The following CCDC181 variants were observed in gnomAD, a reference collection of about 807,000 sequenced individuals.
CCDC181 encodes the protein coiled-coil domain-containing protein 181.
CCDC181 carries 35 observed loss-of-function variants against 58.7 expected under a neutral mutation model. The observed-to-expected ratio is 0.60, with a 90% CI of 0.46 to 0.79. The LOEUF is 0.79. Ranked by LOEUF, CCDC181 falls within the 30% of genes least tolerant of loss-of-function variation. The probability of loss-of-function intolerance (pLI) is 0.00; values close to 1 mark genes in which losing one functional copy is unlikely to be tolerated. For synonymous variants in CCDC181, 183 were observed against 197.5 expected, an observed-to-expected ratio of 0.93 and a Z score of 0.62; for missense variants, 517 against 583.9, an observed-to-expected ratio of 0.89 and a Z score of 1.18.
upstream of CCDC181, among the ~76,000 whole-genome samples, chr1:169,430,829 G>T (rs915817037): frequency 6.6e-6 from 1 of 152,160 alleles, no homozygotes; most frequent in Admixed American, 6.5e-5. Context: ...CCCACTAGAG[G>T]TTTCCCATTG....
At chr1:169,399,529 C>G (rs957639692) in intron 4 of CCDC181, among the ~76,000 whole-genome samples, 1 of 151,872 alleles carries the variant, frequency 6.6e-6, no homozygotes, top group Non-Finnish European at 1.5e-5. Context: ...TGCATAAGAT[C>G]ATAGCAAATA....
chr1:169,427,858 G>A (rs2102108272), upstream of CCDC181, among the ~76,000 whole-genome samples: 1 of 152,264 alleles, frequency 6.6e-6, no homozygotes, highest in East Asian at 1.9e-4. Context: ...ACCCAAGAGA[G>A]TTGCCAAAGA....
intron 2 of CCDC181, among the ~76,000 whole-genome samples, chr1:169,456,454 G>A (rs923125029): frequency 2.6e-5 from 4 of 152,080 alleles, no homozygotes; most frequent in African/African-American, 9.7e-5. Flanking sequence ...ATGACTGTTT[G>A]GTGCTGTGGT....
upstream of CCDC181, among the ~76,000 whole-genome samples, chr1:169,429,542 C>G (rs953941908): frequency 6.6e-6 from 1 of 152,090 alleles, no homozygotes; most frequent in Non-Finnish European, 1.5e-5. Flanking sequence ...ATTTGCATTT[C>G]CCTGATCATT....
chr1:169,419,860 G>GA (rs1415392265), intron 3 of CCDC181, among the ~76,000 whole-genome samples: 1 of 152,134 alleles, frequency 6.6e-6, no homozygotes, highest in African/African-American at 2.4e-5. Context: ...ACTTAGGTTA[G>GA]AAAGACAGAG....
Position 169,403,254 on chromosome 1 carries a change from G to A in CCDC181, c.1216-5863C>T, listed in dbSNP as rs112032916. On this transcript the variant is annotated intron_variant, in intron 4 of 5. Transcript: ENST00000367806. ...CACTGTTAACATTAGACAGATCAAC[G>A]AGACAGAAAATTAACAAGGATATCA... 2.0e-3 allele frequency among the ~76,000 whole-genome samples: 307 copies of A among 152,176 alleles called. 2 individuals carry two copies. Among genetic ancestry groups the A allele is most frequent in the African/African-American group, 7.0e-3 (292 of 41,526 alleles).
At chr1:169,409,275 G>A (rs1015330733) in intron 4 of CCDC181, among the ~76,000 whole-genome samples, 4 of 152,176 alleles carry the variant, frequency 2.6e-5, no homozygotes, top group African/African-American at 9.7e-5. Flanking sequence ...CAATGAAGTG[G>A]AAGAAAGGAT....
At chr1:169,424,453 ATT>A (rs1318519702) in intron 2 of CCDC181, among the ~76,000 whole-genome samples, 2 of 151,818 alleles carry the variant, frequency 1.3e-5, no homozygotes, top group African/African-American at 4.8e-5. Flanking sequence ...TAACCCCATG[ATT>A]TTACCCAAGT....
At chr1:169,439,367 G>A (rs975637969) in intron 2 of CCDC181, among the ~76,000 whole-genome samples, 2 of 152,212 alleles carry the variant, frequency 1.3e-5, no homozygotes, top group Non-Finnish European at 2.9e-5. Flanking sequence ...CTACTGTTAT[G>A]AGATGTCTCC....
intron 4 of CCDC181, among the ~76,000 whole-genome samples, chr1:169,399,214 A>G (rs1229558343): frequency 6.6e-6 from 1 of 152,182 alleles, no homozygotes; most frequent in Non-Finnish European, 1.5e-5. Context: ...GGAAAACTGA[A>G]TGAGGGAGAG....
In CCDC181 at chr1:169,424,766, G is replaced by A. The variant is rs776634014; in HGVS notation, c.117+45C>T. On this transcript the variant is annotated intron_variant, in intron 2 of 5. Transcript: ENST00000367806. ...TGTGAAAACCTTAAAGAATTGCAAAGCACTTTGTAATATAATTATTATGAA... is the reference window on the plus strand; with the variant it reads ...TGTGAAAACCTTAAAGAATTGCAAAACACTTTGTAATATAATTATTATGAA... 3 of 1,086,928 alleles carry A rather than the reference G, an allele frequency of 2.8e-6. No homozygotes were observed. In the South Asian group the frequency reaches 4.4e-5, roughly 16 times the overall value. The allele number at this position is 1,086,928 out of a possible 1,614,324, so 67.3% of individuals were successfully genotyped here.
intron 2 of CCDC181, among the ~76,000 whole-genome samples, chr1:169,444,110 C>T (rs1183626805): frequency 6.6e-6 from 1 of 152,130 alleles, no homozygotes; most frequent in Admixed American, 6.6e-5. Flanking sequence ...TAAGTTTGCT[C>T]AGTTTCTGAA....
chr1:169,434,627 T>A (rs563094059), intron 2 of CCDC181, among the ~76,000 whole-genome samples: 1 of 151,948 alleles, frequency 6.6e-6, no homozygotes, highest in Non-Finnish European at 1.5e-5. Flanking sequence ...TTCTAACATA[T>A]GCTACAATGG....
intron 2 of CCDC181, chr1:169,443,071 A>T (rs918546302): frequency 1.3e-5 from 2 of 151,680 alleles, no homozygotes; most frequent in African/African-American, 4.8e-5. Context: ...AATATGCCTA[A>T]CTATCAAAAA....
chr1:169,405,319 A>G (rs1655587012), intron 4 of CCDC181, among the ~76,000 whole-genome samples: 1 of 152,232 alleles, frequency 6.6e-6, no homozygotes, highest in Admixed American at 6.5e-5. Context: ...TAAAGTTCAT[A>G]TGGAACCAAA....
At chr1:169,410,715 T>G (rs1028508156) in intron 4 of CCDC181, among the ~76,000 whole-genome samples, 2 of 152,056 alleles carry the variant, frequency 1.3e-5, no homozygotes, top group Admixed American at 6.6e-5. Flanking sequence ...TGCAATCAAA[T>G]TAGAACTCAG....
At chr1:169,434,664 G>T (rs961854502) in intron 2 of CCDC181, among the ~76,000 whole-genome samples, 4 of 148,206 alleles carry the variant, frequency 2.7e-5, no homozygotes, top group African/African-American at 9.8e-5. Context: ...CATTACGCTA[G>T]GTAAAATAAT....
intron 2 of CCDC181, among the ~76,000 whole-genome samples, chr1:169,437,426 A>G (rs574321223): frequency 1.3e-5 from 2 of 152,238 alleles, no homozygotes; most frequent in African/African-American, 2.4e-5. Flanking sequence ...GGGATAAACT[A>G]TAAACTAAGT....
chr1:169,455,757 G>T (rs1356628576), intron 2 of CCDC181, among the ~76,000 whole-genome samples: 1 of 152,032 alleles, frequency 6.6e-6, no homozygotes, highest in African/African-American at 2.4e-5. Flanking sequence ...ATTTTAGGTT[G>T]TACAGAAAAA....
Sources: gnomAD v4.1 joint callset for allele counts (sites outside exome capture counted in the v4.1 genomes callset) on GRCh38, gnomAD v4.1.1 for gene constraint, MANE v1.5 for transcripts, NCBI Gene and HGNC (gene_info 2026-07-23, HGNC 2026-07-21) for gene names.